Variants in NPAS3 observed in about 807,000 individuals in gnomAD.
NPAS3 encodes neuronal PAS domain protein 3.
In NPAS3, 14 loss-of-function variants were observed where a neutral mutation model predicts 73.1. The ratio of observed to expected loss-of-function variants is 0.19; its 90% CI spans 0.13 to 0.30. The LOEUF (loss-of-function observed/expected upper bound fraction) is 0.30. NPAS3 is among the 10% of genes least tolerant of loss of function. The pLI is 1.00. For synonymous variants in NPAS3, 620 were observed against 541.5 expected, an observed-to-expected ratio of 1.14 and a Z score of -2.01; for missense variants, 1,096 against 1,250.0, an observed-to-expected ratio of 0.88 and a Z score of 1.86.
chr14:32,945,529 T>C (rs1013738012), intron 1 of NPAS3, among the ~76,000 whole-genome samples: 1 of 152,182 alleles, frequency 6.6e-6, no homozygotes, highest in Non-Finnish European at 1.5e-5. Flanking sequence ...AGGAAGGTGA[T>C]AGAGACTGAA....
intron 5 of NPAS3, among the ~76,000 whole-genome samples, chr14:33,666,106 G>T (rs1332433013): frequency 1.3e-5 from 2 of 152,168 alleles, no homozygotes; most frequent in African/African-American, 4.8e-5. Flanking sequence ...ATTTTAAAAG[G>T]AAGGGGAAAA....
intron 2 of NPAS3, among the ~76,000 whole-genome samples, chr14:33,199,065 G>C (rs946752751): frequency 6.6e-6 from 1 of 152,160 alleles, no homozygotes; most frequent in Admixed American, 6.5e-5. Flanking sequence ...CGCCCACCTG[G>C]AACTTGCGCT....
intron 1 of NPAS3, among the ~76,000 whole-genome samples, chr14:32,949,865 T>G (rs1435755926): frequency 6.6e-6 from 1 of 152,038 alleles, no homozygotes; most frequent in Non-Finnish European, 1.5e-5. Flanking sequence ...AAAAATTAGT[T>G]ATGCTACATG....
At chr14:33,090,450 A>G (rs568609237) in intron 2 of NPAS3, among the ~76,000 whole-genome samples, 1 of 152,236 alleles carries the variant, frequency 6.6e-6, no homozygotes, top group Non-Finnish European at 1.5e-5. Flanking sequence ...AGAGCTAACT[A>G]TCCTAAATAC....
intron 5 of NPAS3, among the ~76,000 whole-genome samples, chr14:33,671,911 T>C (rs1173613980): frequency 6.6e-6 from 1 of 151,882 alleles, no homozygotes; most frequent in Non-Finnish European, 1.5e-5. Flanking sequence ...GAACACATTA[T>C]TGGAGGGGGG....
At chr14:33,327,368 G>A (rs1433104611) in intron 3 of NPAS3, among the ~76,000 whole-genome samples, 3 of 152,156 alleles carry the variant, frequency 2.0e-5, no homozygotes, top group Non-Finnish European at 4.4e-5. Context: ...CATTCTATAC[G>A]AGGAAACTGA....
rs569785343 is a variant in NPAS3 at position 33,648,124 on chromosome 14, G to A, written c.559-28087G>A. The stretch of plus-strand genomic sequence containing the variant: ...ACTCTGTAAAGCAGAGAAGGGAACA[G>A]ATCGAGACTAGCAGCCTGTGGGACC... On this transcript the variant is annotated intron_variant, in intron 5 of 11. Coordinates refer to ENST00000356141, the Ensembl canonical transcript of NPAS3. Among the ~76,000 whole-genome samples, 7 of 152,322 alleles carry A rather than the reference G, an allele frequency of 4.6e-5. No individual in the cohort carries two copies. In the South Asian group the frequency reaches 1.5e-3, roughly 32 times the overall value.
chr14:33,746,038 T>C (rs2061780261), intron 7 of NPAS3, among the ~76,000 whole-genome samples: 1 of 152,164 alleles, frequency 6.6e-6, no homozygotes, highest in African/African-American at 2.4e-5. Context: ...ATTGTTTGAT[T>C]AGAGCATCTA....
chr14:33,064,504 G>T (rs574971078), intron 2 of NPAS3, among the ~76,000 whole-genome samples: 1 of 152,194 alleles, frequency 6.6e-6, no homozygotes, highest in East Asian at 1.9e-4. Context: ...GGCTTTGGTG[G>T]GCCTTCAACT....
intron 2 of NPAS3, among the ~76,000 whole-genome samples, chr14:33,203,249 C>T (rs1029679824): frequency 1.3e-5 from 2 of 152,200 alleles, no homozygotes; most frequent in African/African-American, 4.8e-5. Flanking sequence ...AGAAAAAAGT[C>T]CTAAAGAATG....
At chr14:33,024,919 T>A (rs1217348647) in intron 1 of NPAS3, among the ~76,000 whole-genome samples, 1 of 152,238 alleles carries the variant, frequency 6.6e-6, no homozygotes, top group East Asian at 1.9e-4. Context: ...GTTTTTAAAA[T>A]CTAAGTTATA....
intron 3 of NPAS3, among the ~76,000 whole-genome samples, chr14:33,350,813 A>T (rs188444637): frequency 5.9e-5 from 9 of 152,316 alleles, no homozygotes; most frequent in Non-Finnish European, 1.3e-4. Context: ...ATCCGTACAT[A>T]CTCATTAGAG....
chr14:33,390,261 C>T (rs1215707162), intron 4 of NPAS3, among the ~76,000 whole-genome samples: 1 of 151,906 alleles, frequency 6.6e-6, no homozygotes, highest in Non-Finnish European at 1.5e-5. Context: ...CTTTTGGAAC[C>T]TAGGTCTCCT....
chr14:33,647,972 A>G (rs1595359200), intron 5 of NPAS3, among the ~76,000 whole-genome samples: 1 of 152,258 alleles, frequency 6.6e-6, no homozygotes, highest in Middle Eastern at 3.4e-3. Flanking sequence ...ACAAAGATGG[A>G]TTTGTTAATT....
intron 5 of NPAS3, among the ~76,000 whole-genome samples, chr14:33,673,024 C>T (rs1468367094): frequency 6.6e-6 from 1 of 152,202 alleles, no homozygotes; most frequent in Non-Finnish European, 1.5e-5. Flanking sequence ...TTTGTCTAAT[C>T]CTACCTCTGT....
intron 10 of NPAS3, among the ~76,000 whole-genome samples, chr14:33,795,530 T>C (rs2063487693): frequency 6.6e-6 from 1 of 152,134 alleles, no homozygotes; most frequent in Admixed American, 6.5e-5. Context: ...CTAGGCAAAA[T>C]GATATTGTGA....
Position 33,800,482 on chromosome 14 carries a change from C to G in NPAS3, c.2175C>G (p.Ala725=), listed in dbSNP as rs1158250998. 6.1e-6 allele frequency: 9 copies of G among 1,481,794 alleles called. No homozygotes were observed. The Admixed American group carries it at 2.4e-4, about 39-fold the overall frequency. 91.8% of individuals were successfully genotyped at this position (1,481,794 alleles called of 1,614,324 possible). The stretch of plus-strand genomic sequence containing the variant: ...CCCCGCCCGGCGCCGACGGCGCGGC[C>G]GCCCGCAAGACTCAGTTCGGCGCCT... The change falls in exon 12 of 12, where the codon GCC becomes GCG. Residue 725 remains alanine, a synonymous_variant. Coordinates refer to ENST00000356141, the Ensembl canonical transcript of NPAS3. The surrounding 1 kb of genome is among the most constrained non-coding windows in gnomAD (Gnocchi z 6.5).
chr14:33,385,637 G>T (rs908043124), intron 4 of NPAS3, among the ~76,000 whole-genome samples: 1 of 152,100 alleles, frequency 6.6e-6, no homozygotes, highest in Non-Finnish European at 1.5e-5. Context: ...GCACATCAGG[G>T]TGGCACCAGA....
At chr14:33,005,865 C>A (rs2038983505) in intron 1 of NPAS3, among the ~76,000 whole-genome samples, 3 of 152,266 alleles carry the variant, frequency 2.0e-5, no homozygotes, top group South Asian at 4.1e-4. Flanking sequence ...TTTCCTATAA[C>A]CTGTCCTCTT....
Sources: gnomAD v4.1 joint callset for allele counts (sites outside exome capture counted in the v4.1 genomes callset) on GRCh38, gnomAD v4.1.1 for gene constraint, Gnocchi (gnomAD v3.1) non-coding constraint, MANE v1.5 for transcripts, NCBI Gene and HGNC (gene_info 2026-07-23, HGNC 2026-07-21) for gene names.